The following AKIRIN2 variants were observed in gnomAD, a reference collection of about 807,000 sequenced individuals.
The protein encoded by AKIRIN2 is akirin 2, also known as akirin-2.
AKIRIN2 carries 6 observed loss-of-function variants against 29.3 expected under a neutral mutation model. That is an observed-to-expected ratio of 0.20 (90% CI 0.11 to 0.40). AKIRIN2 has a LOEUF of 0.40. Ranked by LOEUF, AKIRIN2 falls within the 10% of genes least tolerant of loss-of-function variation. The probability of loss-of-function intolerance (pLI) is 1.00; values close to 1 mark genes in which losing one functional copy is unlikely to be tolerated. For synonymous variants in AKIRIN2, 128 were observed against 117.5 expected (o/e 1.09, Z -0.58); for missense variants, 210 against 276.1 (o/e 0.76, Z 1.70).
At chr6:87,692,577 A>G (rs1291047682) in intron 1 of AKIRIN2, among the ~76,000 whole-genome samples, 1 of 150,508 alleles carries the variant, frequency 6.6e-6, no homozygotes, top group Non-Finnish European at 1.5e-5. Flanking sequence ...TTTGGGAGAC[A>G]GAGGTGGGCA....
chr6:87,699,276 T>G (rs1051792149), intron 1 of AKIRIN2, among the ~76,000 whole-genome samples: 9 of 152,090 alleles, frequency 5.9e-5, no homozygotes, highest in Admixed American at 1.3e-4. Context: ...ATTATGACAT[T>G]ACAAAAAACA....
At chr6:87,699,092 A>T (rs540962491) in intron 1 of AKIRIN2, among the ~76,000 whole-genome samples, 4 of 152,338 alleles carry the variant, frequency 2.6e-5, no homozygotes, top group African/African-American at 7.2e-5. Flanking sequence ...GTCTACTTCC[A>T]AACCTAACTA....
chr6:87,682,291 G>A (rs1271748476), intron 1 of AKIRIN2, among the ~76,000 whole-genome samples: 2 of 152,184 alleles, frequency 1.3e-5, no homozygotes, highest in South Asian at 2.1e-4. Context: ...TACATTAAAT[G>A]GCCATGGCCA....
intron 1 of AKIRIN2, among the ~76,000 whole-genome samples, chr6:87,693,185 C>A (rs929577750): frequency 6.6e-6 from 1 of 151,038 alleles, no homozygotes; most frequent in Non-Finnish European, 1.5e-5. Flanking sequence ...GCGGAGACTG[C>A]GCCACTGCAC....
intron 1 of AKIRIN2, among the ~76,000 whole-genome samples, chr6:87,684,687 T>C (rs1158997118): frequency 1.3e-5 from 2 of 152,224 alleles, no homozygotes; most frequent in South Asian, 4.1e-4. Context: ...TTGAGATTCA[T>C]GTATGTTGCA....
At chr6:87,695,842 A>G (rs932745063) in intron 1 of AKIRIN2, among the ~76,000 whole-genome samples, 1 of 152,194 alleles carries the variant, frequency 6.6e-6, no homozygotes, top group African/African-American at 2.4e-5. Flanking sequence ...TTCAAAACGA[A>G]AGCTTTCTAT....
chr6:87,690,164 C>A (rs1343724159), intron 1 of AKIRIN2, among the ~76,000 whole-genome samples: 1 of 150,990 alleles, frequency 6.6e-6, no homozygotes, highest in Admixed American at 6.6e-5. Flanking sequence ...TGAGATGACG[C>A]CATTGAACTC....
At position 87,675,481 on chromosome 6, in the gene AKIRIN2, G is replaced by T; in HGVS notation, c.*116C>A. The T allele has an allele frequency of 6.9e-7, 1 of 1,452,134 alleles. No homozygotes were observed. The highest frequency in any genetic ancestry group is 9.6e-7 in the Non-Finnish European group (1 of 1,042,608). 90.0% of individuals were successfully genotyped at this position (1,452,134 alleles called of 1,614,324 possible). A position where few individuals can be genotyped will look rare whatever the true frequency, so the allele number is the denominator to read the frequency against. On this transcript the variant is annotated 3_prime_UTR_variant, in exon 5 of 5. Transcript: ENST00000257787. Reference sequence around the variant, plus strand: ...CTAAGAGTGGTTGCCACTGACGAAAGCTTGAAATAACCTGTATTCACAGAA... The same window carrying T: ...CTAAGAGTGGTTGCCACTGACGAAATCTTGAAATAACCTGTATTCACAGAA...
intron 2 of AKIRIN2, among the ~76,000 whole-genome samples, chr6:87,679,503 C>T (rs1360019036): frequency 6.6e-6 from 1 of 151,938 alleles, no homozygotes; most frequent in African/African-American, 2.4e-5. Flanking sequence ...GTCTCAAAAA[C>T]AAAACAAAAC....
intron 1 of AKIRIN2, among the ~76,000 whole-genome samples, chr6:87,693,500 C>A (rs187281531): frequency 6.6e-6 from 1 of 152,042 alleles, no homozygotes; most frequent in Non-Finnish European, 1.5e-5. Flanking sequence ...CAGGCCCAGA[C>A]GGGCGGATCA....
chr6:87,686,060 T>C (rs547433241), intron 1 of AKIRIN2, among the ~76,000 whole-genome samples: 11 of 151,834 alleles, frequency 7.2e-5, no homozygotes, highest in Admixed American at 6.6e-4. Flanking sequence ...ACTAAAAATA[T>C]AAAAATGAGC....
intron 1 of AKIRIN2, among the ~76,000 whole-genome samples, chr6:87,698,263 A>C (rs572707691): frequency 2.0e-5 from 3 of 152,240 alleles, no homozygotes; most frequent in African/African-American, 7.2e-5. Context: ...ACATGAGGGT[A>C]AGCAAACTTT....
At chr6:87,690,205 T>TCA (rs779635720) in intron 1 of AKIRIN2, among the ~76,000 whole-genome samples, 8 of 113,900 alleles carry the variant, frequency 7.0e-5, no homozygotes, top group Non-Finnish European at 1.4e-4. Flanking sequence ...AAACTCCATC[T>TCA]CAAAAAAAAA....
chr6:87,701,972 G>A lies in AKIRIN2; in HGVS notation c.-288C>T, dbSNP rs1676041632. 1.3e-5 allele frequency: 5 copies of A among 399,284 alleles called. No individual in the cohort carries two copies. The highest frequency in any genetic ancestry group is 4.4e-5 in the Admixed American group (1 of 22,712). 24.7% of individuals were successfully genotyped at this position (399,284 alleles called of 1,614,324 possible). ...GGGTTCTTCCGCCTCCTCAGGCGCGGCTCCCCCGAGAGAGGCTCCGGCCGC... is the reference window on the plus strand; with the variant it reads ...GGGTTCTTCCGCCTCCTCAGGCGCGACTCCCCCGAGAGAGGCTCCGGCCGC... On this transcript the variant is annotated 5_prime_UTR_variant, in exon 1 of 5. Transcript: ENST00000257787.
Position 87,677,951 on chromosome 6 carries a change from T to G in AKIRIN2, c.396A>C (p.Ala132=), listed in dbSNP as rs1337584293. The G allele has an allele frequency of 1.9e-6, 3 of 1,613,914 alleles. No homozygotes were observed. In the South Asian group the frequency reaches 3.3e-5, roughly 18 times the overall value. The change falls in exon 3 of 5, where the codon GCA becomes GCC. Residue 132 remains alanine, a synonymous_variant. Transcript: ENST00000257787. ...GCTGTTCTTTTTTTAATGGTGAGGA[T>G]GCTGCAGATGAAGTCCCTATGTACA... ...GPASPGTSSA[A]SSPLKKEQPL...
At chr6:87,682,605 C>G (rs1451144543) in intron 1 of AKIRIN2, among the ~76,000 whole-genome samples, 1 of 152,198 alleles carries the variant, frequency 6.6e-6, no homozygotes, top group Non-Finnish European at 1.5e-5. Flanking sequence ...CAGACTTCCT[C>G]ACTACACCTC....
chr6:87,692,341 C>T (rs1337441101), intron 1 of AKIRIN2, among the ~76,000 whole-genome samples: 2 of 152,186 alleles, frequency 1.3e-5, no homozygotes, highest in South Asian at 2.1e-4. Context: ...TCATCATGTG[C>T]ACATTTCCTG....
In AKIRIN2 at chr6:87,675,533, A is replaced by G; in HGVS notation, c.*64T>C. On this transcript the variant is annotated 3_prime_UTR_variant, in exon 5 of 5. Coordinates refer to ENST00000257787, the MANE Select transcript of AKIRIN2 (RefSeq NM_018064.4). ...GGGTATTGGCATTGCTGCATGTCAT[A>G]ATTGGGACCTCTTGCAACAACTCAA... is the stretch of plus-strand genomic sequence containing the variant. The G allele has an allele frequency of 6.3e-7, 1 of 1,595,026 alleles. No homozygotes were observed. The highest frequency in any genetic ancestry group is 8.6e-7 in the Non-Finnish European group (1 of 1,162,744).
At chr6:87,699,818 T>C (rs1222033589) in intron 1 of AKIRIN2, among the ~76,000 whole-genome samples, 1 of 152,214 alleles carries the variant, frequency 6.6e-6, no homozygotes, top group Non-Finnish European at 1.5e-5. Flanking sequence ...TATTTTGACA[T>C]TGAGATATAG....
Sources: gnomAD v4.1 joint callset for allele counts (sites outside exome capture counted in the v4.1 genomes callset) on GRCh38, gnomAD v4.1.1 for gene constraint, MANE v1.5 for transcripts, NCBI Gene and HGNC (gene_info 2026-07-23, HGNC 2026-07-21) for gene names.